SLC24A2: variants seen among roughly 807,000 people sequenced by gnomAD.
The protein encoded by SLC24A2 is sodium/potassium/calcium exchanger 2.
Under a neutral mutation model 62.0 loss-of-function variants are expected in SLC24A2, and 36 were observed. That is an observed-to-expected ratio of 0.58 (90% CI 0.44 to 0.77). The LOEUF (loss-of-function observed/expected upper bound fraction) is 0.77, where lower values mean the gene tolerates loss of function less well. Ranked by LOEUF, SLC24A2 falls within the 30% of genes least tolerant of loss-of-function variation. The pLI, the probability that SLC24A2 is intolerant of heterozygous loss-of-function variation, is 0.00. For missense variants in SLC24A2, 846 were observed against 817.9 expected (o/e 1.03, Z -0.42); for synonymous variants, 358 against 294.0 (o/e 1.22, Z -2.23).
At chr9:19,587,120 G>C (rs1836398069) in intron 5 of SLC24A2, among the ~76,000 whole-genome samples, 1 of 152,110 alleles carries the variant, frequency 6.6e-6, no homozygotes, top group South Asian at 2.1e-4. Context: ...TCTGCAAGTG[G>C]GTTGTGACAT....
chr9:19,999,185 G>A, the SLC24A2 span, among the ~76,000 whole-genome samples: 1 of 152,216 alleles, frequency 6.6e-6, no homozygotes, highest in Non-Finnish European at 1.5e-5. Context: ...AGGGAGCCAC[G>A]GCTTTGCCTG....
the SLC24A2 span, among the ~76,000 whole-genome samples, chr9:19,900,466 T>C: frequency 1.3e-5 from 2 of 152,294 alleles, no homozygotes; most frequent in Admixed American, 1.3e-4. Flanking sequence ...TCCATTATCT[T>C]GGGGAGTTGA....
the SLC24A2 span, among the ~76,000 whole-genome samples, chr9:19,896,137 T>G: frequency 9.2e-5 from 14 of 152,174 alleles, 1 homozygote; most frequent in Admixed American, 9.2e-4. Flanking sequence ...GCTCCTTTCC[T>G]TTCATGCCTG....
chr9:19,764,200 T>G (rs913417213), intron 2 of SLC24A2, among the ~76,000 whole-genome samples: 1 of 152,208 alleles, frequency 6.6e-6, no homozygotes, highest in Non-Finnish European at 1.5e-5. Context: ...GATTCTTCTC[T>G]CTTTTCTTCT....
At chr9:20,141,679 C>T in the SLC24A2 span, among the ~76,000 whole-genome samples, 398 of 152,026 alleles carry the variant, frequency 2.6e-3, no homozygotes, top group African/African-American at 8.9e-3. Context: ...CATGATGCTG[C>T]CCTTTCTAGA....
At chr9:20,109,396 G>C in the SLC24A2 span, among the ~76,000 whole-genome samples, 3 of 152,264 alleles carry the variant, frequency 2.0e-5, no homozygotes, top group Non-Finnish European at 2.9e-5. Context: ...ATGTTTCCAC[G>C]ACCCTAACTG....
At chr9:20,150,484 A>G in the SLC24A2 span, among the ~76,000 whole-genome samples, 3 of 151,954 alleles carry the variant, frequency 2.0e-5, no homozygotes, top group East Asian at 5.8e-4. Context: ...AGGTAGTCTC[A>G]TATTCTGCTG....
chr9:19,556,836 G>C (rs951504789), intron 7 of SLC24A2, among the ~76,000 whole-genome samples: 15 of 152,180 alleles, frequency 9.9e-5, no homozygotes, highest in African/African-American at 3.6e-4. Flanking sequence ...TTATTGCAAG[G>C]CAGAGCTCAT....
chr9:20,306,733 G>C, the SLC24A2 span, among the ~76,000 whole-genome samples: 1 of 152,182 alleles, frequency 6.6e-6, no homozygotes, highest in African/African-American at 2.4e-5. Context: ...GTCTCACTCT[G>C]TCACCCAGGC....
At chr9:19,823,000 C>T in the SLC24A2 span, among the ~76,000 whole-genome samples, 1 of 152,090 alleles carries the variant, frequency 6.6e-6, no homozygotes, top group Non-Finnish European at 1.5e-5. Flanking sequence ...ACCCACCCTT[C>T]CCACTCCTCC....
At chr9:19,740,979 C>T (rs2118765477) in intron 2 of SLC24A2, among the ~76,000 whole-genome samples, 1 of 151,990 alleles carries the variant, frequency 6.6e-6, no homozygotes, top group East Asian at 1.9e-4. Flanking sequence ...GTTTTATTGG[C>T]TTTATCTGAA....
chr9:19,599,025 G>A lies in SLC24A2; in HGVS notation c.1079-1746C>T, dbSNP rs535239701. The stretch of plus-strand genomic sequence containing the variant: ...TTGGATGTAAACTATATTCTACACA[G>A]TGACAATACACCATTGCATTTTTAT... On this transcript the variant is annotated intron_variant, in intron 4 of 10. Transcript: ENST00000341998. This position sits in a 1 kb window ranked among gnomAD's most constrained non-coding sequence, Gnocchi z 4.5. Among the ~76,000 whole-genome samples, 12 of 152,290 alleles carry A rather than the reference G, an allele frequency of 7.9e-5. No homozygotes were observed. The highest frequency in any genetic ancestry group is 2.6e-4 in the African/African-American group (11 of 41,562).
At chr9:19,573,325 A>ATT in intron 7 of SLC24A2, 26 bp downstream of exon 7, 1 of 1,448,272 alleles carries the variant, frequency 6.9e-7, no homozygotes, top group Non-Finnish European at 9.7e-7. Flanking sequence ...ACAACAGCCC[A>ATT]GAAGAGCAAT....
the SLC24A2 span, among the ~76,000 whole-genome samples, chr9:19,917,201 A>G: frequency 6.6e-6 from 1 of 151,074 alleles, no homozygotes; most frequent in Non-Finnish European, 1.5e-5. Flanking sequence ...TTTTGTTTTG[A>G]TCTCACATAG....
the SLC24A2 span, among the ~76,000 whole-genome samples, chr9:19,830,937 C>T: frequency 3.3e-5 from 5 of 152,034 alleles, no homozygotes; most frequent in Non-Finnish European, 5.9e-5. Context: ...AGGGTTGATA[C>T]CTATTTGGTG....
intron 4 of SLC24A2, among the ~76,000 whole-genome samples, chr9:19,619,167 C>G (rs1228207761): frequency 6.6e-6 from 1 of 152,188 alleles, no homozygotes; most frequent in Non-Finnish European, 1.5e-5. Flanking sequence ...CACTCATGGA[C>G]CTCCTAAATC....
At chr9:19,651,938 G>A (rs981184437) in intron 2 of SLC24A2, among the ~76,000 whole-genome samples, 1 of 152,130 alleles carries the variant, frequency 6.6e-6, no homozygotes, top group Non-Finnish European at 1.5e-5. Flanking sequence ...TTCCTCCCCT[G>A]CAAATCTTGG....
the SLC24A2 span, among the ~76,000 whole-genome samples, chr9:20,142,907 T>C: frequency 6.6e-6 from 1 of 152,204 alleles, no homozygotes; most frequent in Non-Finnish European, 1.5e-5. Context: ...TTCCATGTCT[T>C]ATACGACCTG....
At chr9:20,145,870 C>G in the SLC24A2 span, among the ~76,000 whole-genome samples, 4 of 151,498 alleles carry the variant, frequency 2.6e-5, no homozygotes, top group East Asian at 7.7e-4. Context: ...TGGGATTCTG[C>G]TATATATATA....
Sources: allele counts gnomAD v4.1 joint callset (sites outside exome capture counted in the v4.1 genomes callset), GRCh38; gene constraint gnomAD v4.1.1; non-coding constraint Gnocchi (gnomAD v3.1); transcripts MANE v1.5; gene names NCBI Gene and HGNC (gene_info 2026-07-23, HGNC 2026-07-21).